PTPRN2: variants seen among roughly 807,000 people sequenced by gnomAD.
PTPRN2 encodes protein tyrosine phosphatase receptor type N2, also known as receptor-type tyrosine-protein phosphatase N2.
In PTPRN2, 74 loss-of-function variants were observed where a neutral mutation model predicts 118.8. That is an observed-to-expected ratio of 0.62 (90% CI 0.52 to 0.76). PTPRN2 has a LOEUF of 0.76. Among genes scored for constraint, PTPRN2 ranks in the 30% least tolerant of loss-of-function variants. The pLI, the probability that PTPRN2 is intolerant of heterozygous loss-of-function variation, is 0.00. For synonymous variants in PTPRN2, 641 were observed against 608.0 expected (o/e 1.05, Z -0.80); for missense variants, 1,481 against 1,394.4 (o/e 1.06, Z -0.99).
intron 2 of PTPRN2, among the ~76,000 whole-genome samples, chr7:158,443,120 A>G (rs1278365934): frequency 6.6e-6 from 1 of 152,016 alleles, no homozygotes; most frequent in Non-Finnish European, 1.5e-5. Context: ...CTGGTCAACA[A>G]GCACATTGCA....
At chr7:158,587,258 C>T (rs1829010142) in intron 1 of PTPRN2, among the ~76,000 whole-genome samples, 1 of 123,436 alleles carries the variant, frequency 8.1e-6, no homozygotes, top group Non-Finnish European at 1.7e-5. Context: ...CCCCCACGCC[C>T]CCCTCTCATT....
chr7:158,333,277 C>A (rs1288332461), intron 2 of PTPRN2, among the ~76,000 whole-genome samples: 3 of 134,018 alleles, frequency 2.2e-5, no homozygotes, highest in African/African-American at 6.0e-5. Flanking sequence ...CACTCACACC[C>A]ACACTCTCAC....
At position 157,831,997 on chromosome 7, in the gene PTPRN2, G is replaced by C. The variant is rs1000200864; in HGVS notation, c.1788+66676C>G. On this transcript the variant is annotated intron_variant, in intron 12 of 22. Coordinates refer to ENST00000389418, the MANE Select transcript of PTPRN2 (RefSeq NM_002847.5). This position sits in a 1 kb window ranked among gnomAD's most constrained non-coding sequence, Gnocchi z 4.8. ...CATGAGGAGTGACGGCTGGGCTGCT[G>C]ATGGCCCTGAGGGGTCCTCCCGGAG... Among the ~76,000 whole-genome samples, 1 of 152,220 alleles carries C rather than the reference G, an allele frequency of 6.6e-6. No individual in the cohort carries two copies. Among genetic ancestry groups the C allele is most frequent in the Non-Finnish European group, 1.5e-5 (1 of 68,040 alleles).
intron 12 of PTPRN2, among the ~76,000 whole-genome samples, chr7:157,810,587 C>G (rs1310103290): frequency 9.8e-6 from 1 of 102,018 alleles, no homozygotes; most frequent in East Asian, 2.5e-4. Context: ...TCCATGGGGA[C>G]AGGGACGGGG....
chr7:157,625,597 G>T (rs997298316), intron 14 of PTPRN2, among the ~76,000 whole-genome samples: 3 of 152,090 alleles, frequency 2.0e-5, no homozygotes, highest in Non-Finnish European at 4.4e-5. Flanking sequence ...GGAGGGGGGC[G>T]AGGGATAAAA....
At chr7:158,545,192 T>C (rs1373061456) in intron 1 of PTPRN2, among the ~76,000 whole-genome samples, 1 of 152,192 alleles carries the variant, frequency 6.6e-6, no homozygotes, top group Non-Finnish European at 1.5e-5. Context: ...CTAGAAGATA[T>C]AAAACCTCAG....
chr7:158,190,678 C>G (rs958335620), intron 5 of PTPRN2, among the ~76,000 whole-genome samples: 1 of 152,222 alleles, frequency 6.6e-6, no homozygotes, highest in Non-Finnish European at 1.5e-5. Context: ...GAAACACAGT[C>G]CATGATCAGG....
intron 11 of PTPRN2, among the ~76,000 whole-genome samples, chr7:158,006,336 T>C (rs1262657601): frequency 6.6e-6 from 1 of 152,234 alleles, no homozygotes; most frequent in Non-Finnish European, 1.5e-5. Flanking sequence ...GTCCAAATCA[T>C]GTTTGCTCCT....
At chr7:158,007,630 G>GTCT (rs1805719858) in intron 11 of PTPRN2, among the ~76,000 whole-genome samples, 1 of 152,170 alleles carries the variant, frequency 6.6e-6, no homozygotes, top group Non-Finnish European at 1.5e-5. Flanking sequence ...AGACACAGAA[G>GTCT]GGGACAGGAA....
At chr7:157,827,398 C>CACA (rs1807250345) in intron 12 of PTPRN2, among the ~76,000 whole-genome samples, 1 of 151,942 alleles carries the variant, frequency 6.6e-6, no homozygotes, top group South Asian at 2.1e-4. Context: ...CACAACACAA[C>CACA]ACAACACAAC....
intron 11 of PTPRN2, among the ~76,000 whole-genome samples, chr7:157,933,371 CT>C (rs1364142051): frequency 1.1e-5 from 1 of 91,622 alleles, no homozygotes; most frequent in African/African-American, 4.4e-5. Context: ...TGATTGACAG[CT>C]TTAGAGGAAG....
At chr7:157,935,314 C>T (rs1212216853) in intron 11 of PTPRN2, among the ~76,000 whole-genome samples, 1 of 152,192 alleles carries the variant, frequency 6.6e-6, no homozygotes, top group Non-Finnish European at 1.5e-5. Flanking sequence ...GCCACCTGGG[C>T]TCTTTTTTGT....
intron 11 of PTPRN2, among the ~76,000 whole-genome samples, chr7:158,080,314 C>CAAAAAA (rs556546951): frequency 2.1e-4 from 15 of 72,190 alleles, no homozygotes; most frequent in African/African-American, 4.3e-4. Context: ...CAAATTTAAG[C>CAAAAAA]AAAAAAAAAA....
Position 157,763,793 on chromosome 7 carries a change from C to T in PTPRN2, c.1789-80856G>A, listed in dbSNP as rs1046704737. Among the ~76,000 whole-genome samples the T allele has an allele frequency of 6.6e-6, 1 of 152,084 alleles. No individual in the cohort carries two copies. The highest frequency in any genetic ancestry group is 2.4e-5 in the African/African-American group (1 of 41,412). On this transcript the variant is annotated intron_variant, in intron 12 of 22. Transcript: ENST00000389418. This position sits in a 1 kb window ranked among gnomAD's most constrained non-coding sequence, Gnocchi z 4.9. ...CCCCGGCAGTGGTAGGAGGAGGCTG[C>T]ACCGGGCAGGGTTAGGGGCTGCTGG... is the stretch of plus-strand genomic sequence containing the variant.
intron 12 of PTPRN2, chr7:157,863,641 G>A (rs998743970): frequency 1.3e-5 from 2 of 152,270 alleles, no homozygotes; most frequent in African/African-American, 2.4e-5. Context: ...GCGCCCCCAA[G>A]TTCATGTGGC....
At chr7:158,026,115 C>G (rs774098835) in intron 11 of PTPRN2, among the ~76,000 whole-genome samples, 3 of 152,208 alleles carry the variant, frequency 2.0e-5, no homozygotes, top group African/African-American at 7.2e-5. Flanking sequence ...AGATGGAAAC[C>G]GGGGTCGGCG....
Position 157,982,608 on chromosome 7 carries a change from G to T in PTPRN2, c.1724-83871C>A, listed in dbSNP as rs556642264. ...CGAGTAGGGGAATGCAGAGTGCAGG[G>T]TCCCCCCTAAACCCCGAGTCACAGA... On this transcript the variant is annotated intron_variant, in intron 11 of 22. Transcript: ENST00000389418. Among the ~76,000 whole-genome samples, 32 of 140,426 alleles carry T rather than the reference G, an allele frequency of 2.3e-4. No homozygotes were observed. The East Asian group carries it at 3.9e-3, about 17-fold the overall frequency. The allele number at this position is 140,426 out of a possible 152,430, so 92.1% of individuals were successfully genotyped here. A position where few individuals can be genotyped will look rare whatever the true frequency, so the allele number is the denominator to read the frequency against.
intron 12 of PTPRN2, among the ~76,000 whole-genome samples, chr7:157,745,376 C>CG (rs1030649823): frequency 6.9e-6 from 1 of 144,372 alleles, no homozygotes; most frequent in South Asian, 2.4e-4. Context: ...GGCTGAGAGC[C>CG]GGGGGTGGTC....
chr7:158,436,119 C>T (rs1042599664), intron 2 of PTPRN2, among the ~76,000 whole-genome samples: 2 of 152,172 alleles, frequency 1.3e-5, no homozygotes, highest in African/African-American at 4.8e-5. Flanking sequence ...ATTAGTGTAA[C>T]ACGCATTATC....
Sources: allele counts gnomAD v4.1 joint callset (sites outside exome capture counted in the v4.1 genomes callset), GRCh38; gene constraint gnomAD v4.1.1; non-coding constraint Gnocchi (gnomAD v3.1); transcripts MANE v1.5; gene names NCBI Gene and HGNC (gene_info 2026-07-23, HGNC 2026-07-21).